Variants in MAP1LC3C observed in about 807,000 individuals in gnomAD.
The protein encoded by MAP1LC3C is microtubule associated protein 1 light chain 3 gamma, also known as microtubule-associated protein 1 light chain 3 gamma.
In MAP1LC3C, 12 loss-of-function variants were observed where a neutral mutation model predicts 10.4. The ratio of observed to expected loss-of-function variants is 1.15; its 90% CI spans 0.74 to 1.86. MAP1LC3C has a LOEUF of 1.86. MAP1LC3C is among the 40% of genes most tolerant of loss of function. The pLI, the probability that MAP1LC3C is intolerant of heterozygous loss-of-function variation, is 0.00. For missense variants in MAP1LC3C, 177 were observed against 185.7 expected (o/e 0.95, Z 0.27); for synonymous variants, 70 against 69.0 (o/e 1.01, Z -0.07).
chr1:242,000,589 G>A (rs772228304), upstream of MAP1LC3C, among the ~76,000 whole-genome samples: 9 of 152,042 alleles, frequency 5.9e-5, no homozygotes, highest in Admixed American at 2.0e-4. Context: ...CACAGCCCCC[G>A]CCTTGGGTTT....
chr1:241,998,021 C>CTCTTTTTT (rs1665121527), intron 3 of MAP1LC3C, among the ~76,000 whole-genome samples: 1 of 95,414 alleles, frequency 1.0e-5, no homozygotes, highest in Non-Finnish European at 2.0e-5. Context: ...TAGAGTAATT[C>CTCTTTTTT]TTTTTTTTTT....
chr1:241,996,920 A>AAAAAAAAAAAAAAAG, intron 3 of MAP1LC3C, among the ~76,000 whole-genome samples: 1 of 150,316 alleles, frequency 6.7e-6, no homozygotes, highest in Non-Finnish European at 1.5e-5. Flanking sequence ...AAAAAAAAAA[A>AAAAAAAAAAAAAAAG]AAAAAGAAAA....
intron 3 of MAP1LC3C, among the ~76,000 whole-genome samples, chr1:241,997,953 T>C (rs1665117535): frequency 6.6e-6 from 1 of 152,010 alleles, no homozygotes; most frequent in South Asian, 2.1e-4. Flanking sequence ...CTTAGAAATG[T>C]TGGCAGGTCT....
chr1:241,998,841 T>G lies in MAP1LC3C; in HGVS notation c.59-10A>C. ...TCCTCTTGTCTGATTGCTGTGAATA[T>G]TTCAAGCACAAGAGAAGAAGCAAAG... On this transcript the variant is annotated splice_polypyrimidine_tract_variant and intron_variant, in intron 1 of 3. Transcript: ENST00000357246. 1.2e-6 allele frequency: 2 copies of G among 1,614,028 alleles called. No homozygotes were observed. Among genetic ancestry groups the G allele is most frequent in the Non-Finnish European group, 1.7e-6 (2 of 1,180,000 alleles).
At chr1:241,998,437 A>C (rs1212822198) in intron 3 of MAP1LC3C, 77 bp downstream of exon 3, 1 of 1,286,784 alleles carries the variant, frequency 7.8e-7, no homozygotes, top group African/African-American at 1.5e-5. Flanking sequence ...CCAAAATAAA[A>C]CTGCCAAACG....
chr1:241,997,557 A>T (rs958689447), intron 3 of MAP1LC3C, among the ~76,000 whole-genome samples: 1 of 152,182 alleles, frequency 6.6e-6, no homozygotes, highest in African/African-American at 2.4e-5. Flanking sequence ...TCTCAAAAAA[A>T]CAGGCTGCAA....
Position 241,998,874 on chromosome 1 carries a change from AAAGAAGCAAAGATCAAGAG to A in MAP1LC3C, c.58+58_59-44del, listed in dbSNP as rs752078583. 3.7e-6 allele frequency: 6 copies of A among 1,613,742 alleles called. No homozygotes were observed. In the Admixed American group the frequency reaches 8.3e-5, roughly 22 times the overall value. ...ACAAGAGAAGAAGCAAAGATCAAGA[AAAGAAGCAAAGATCAAGAG>A]AAGGCCAGATCCGCTCCTCTCTTTA... On this transcript the variant is annotated intron_variant, in intron 1 of 3. Transcript: ENST00000357246.
upstream of MAP1LC3C, among the ~76,000 whole-genome samples, chr1:241,999,815 A>C (rs1426063242): frequency 6.6e-6 from 1 of 152,138 alleles, no homozygotes; most frequent in Admixed American, 6.5e-5. Flanking sequence ...ATCTCAAAAC[A>C]AAACAAAACA....
At position 241,996,126 on chromosome 1, in the gene MAP1LC3C, A is replaced by C. The variant is rs779343268; in HGVS notation, c.*37T>G. ...AACCAATCCCTTCTGCCAGCATCTG[A>C]CACGTCTGTCAGAGCACACATCCTT... On this transcript the variant is annotated 3_prime_UTR_variant, in exon 4 of 4. Transcript: ENST00000357246. 38 of 1,575,030 alleles carry C rather than the reference A, an allele frequency of 2.4e-5. No homozygotes were observed. Among genetic ancestry groups the C allele is most frequent in the African/African-American group, 4.0e-5 (3 of 74,180 alleles).
At chr1:241,999,875 C>T (rs559236395), upstream of MAP1LC3C, among the ~76,000 whole-genome samples, 2 of 152,222 alleles carry the variant, frequency 1.3e-5, no homozygotes, top group East Asian at 3.9e-4. Flanking sequence ...TACTACACTC[C>T]AGTATATTCT....
chr1:241,998,501 C>T lies in MAP1LC3C; in HGVS notation c.221+13G>A. On this transcript the variant is annotated intron_variant, in intron 3 of 3. Transcript: ENST00000357246. ...AGCGCACCTTCCTCCGGGGCACGCT[C>T]TGCGCCACCTACCGGATGATGCTGA... is the stretch of plus-strand genomic sequence containing the variant. The T allele has an allele frequency of 6.2e-7, 1 of 1,613,186 alleles. No individual in the cohort carries two copies. Among genetic ancestry groups the T allele is most frequent in the Admixed American group, 1.7e-5 (1 of 59,994 alleles).
rs1665144384 is a variant in MAP1LC3C at position 241,998,966 on chromosome 1, G to A, written c.43C>T (p.Gln15Ter). 1 of 1,612,760 alleles carries A rather than the reference G, an allele frequency of 6.2e-7. No individual in the cohort carries two copies. Among genetic ancestry groups the A allele is most frequent in the Non-Finnish European group, 8.5e-7 (1 of 1,179,774 alleles). Reference sequence around the variant, plus strand: ...AGAAATTTACCCAAGCTTTTCCTCTGCTTGAAGGGTCTGACGCTTGGGATT... The same window carrying A: ...AGAAATTTACCCAAGCTTTTCCTCTACTTGAAGGGTCTGACGCTTGGGATT... ...QKIPSVRPFK[Q>*]RKSLAIRQEE... Residue 15 changes from glutamine to a stop codon, truncating the protein, a stop_gained, in exon 1 of 4, where the codon CAG becomes TAG. Coordinates refer to ENST00000357246, the MANE Select transcript of MAP1LC3C (RefSeq NM_001004343.3). LOFTEE classifies it high-confidence loss of function.
chr1:241,996,697 C>CAGCT (rs1455861734), intron 3 of MAP1LC3C, among the ~76,000 whole-genome samples: 4 of 151,806 alleles, frequency 2.6e-5, no homozygotes, highest in Non-Finnish European at 5.9e-5. Flanking sequence ...CTGAGGCAGG[C>CAGCT]AGCTCACGAG....
upstream of MAP1LC3C, among the ~76,000 whole-genome samples, chr1:242,000,346 T>G (rs1010981541): frequency 3.9e-5 from 6 of 152,148 alleles, no homozygotes; most frequent in African/African-American, 1.4e-4. Flanking sequence ...GTTCAAGCGA[T>G]TTCTCCCGAG....
chr1:242,000,688 G>C (rs1216719170), upstream of MAP1LC3C, among the ~76,000 whole-genome samples: 1 of 152,188 alleles, frequency 6.6e-6, no homozygotes, highest in Non-Finnish European at 1.5e-5. Context: ...CAGATGAAGA[G>C]ATGCATAGCG....
intron 3 of MAP1LC3C, among the ~76,000 whole-genome samples, chr1:241,997,962 C>G (rs1665118310): frequency 6.9e-6 from 1 of 145,356 alleles, no homozygotes; most frequent in Non-Finnish European, 1.5e-5. Flanking sequence ...GTTGGCAGGT[C>G]TTTTTTGTTG....
At chr1:241,998,021 C>CTTTTTTTTTTTTTTT (rs58237405) in intron 3 of MAP1LC3C, among the ~76,000 whole-genome samples, 17 of 95,416 alleles carry the variant, frequency 1.8e-4, no homozygotes, top group East Asian at 3.3e-4. Context: ...TAGAGTAATT[C>CTTTTTTTTTTTTTTT]TTTTTTTTTT....
upstream of MAP1LC3C, among the ~76,000 whole-genome samples, chr1:241,999,590 G>A (rs1387779292): frequency 1.3e-5 from 2 of 152,142 alleles, no homozygotes; most frequent in Admixed American, 6.5e-5. Context: ...ATCCCAGCAC[G>A]TGGGAGGCCG....
intron 3 of MAP1LC3C, among the ~76,000 whole-genome samples, 165 bp downstream of exon 3, chr1:241,998,349 C>T (rs1665128889): frequency 6.6e-6 from 1 of 152,140 alleles, no homozygotes; most frequent in African/African-American, 2.4e-5. Context: ...CTAAGAGCAT[C>T]TTTTCAGGGT....
Sources: allele counts gnomAD v4.1 joint callset (sites outside exome capture counted in the v4.1 genomes callset), GRCh38; gene constraint gnomAD v4.1.1; transcripts MANE v1.5; gene names NCBI Gene and HGNC (gene_info 2026-07-23, HGNC 2026-07-21).